Variants in CA3 observed in about 807,000 individuals in gnomAD.
The protein encoded by CA3 is carbonic anhydrase 3.
A neutral mutation model predicts 35.7 loss-of-function variants in CA3; 30 were observed. The observed-to-expected ratio is 0.84, with a 90% CI of 0.63 to 1.14. The LOEUF (loss-of-function observed/expected upper bound fraction) is 1.14, where lower values mean the gene tolerates loss of function less well. Among genes scored for constraint, CA3 ranks in the 50% most tolerant of loss-of-function variants. The pLI, the probability that CA3 is intolerant of heterozygous loss-of-function variation, is 0.00. For synonymous variants in CA3, 131 were observed against 130.8 expected (o/e 1.00, Z -0.01); for missense variants, 295 against 328.5 (o/e 0.90, Z 0.79).
At chr8:85,442,774 C>T (rs1447853957) in intron 3 of CA3, among the ~76,000 whole-genome samples, 1 of 152,124 alleles carries the variant, frequency 6.6e-6, no homozygotes, top group Non-Finnish European at 1.5e-5. Context: ...AGCCCAGGGT[C>T]CTCAATGGAA....
chr8:85,440,356 G>C (rs1323226642), intron 2 of CA3, among the ~76,000 whole-genome samples: 2 of 152,150 alleles, frequency 1.3e-5, no homozygotes, highest in Non-Finnish European at 2.9e-5. Context: ...TCTTCCCTTG[G>C]TGCCTGGGAG....
intron 6 of CA3, 43 bp downstream of exon 6, chr8:85,446,340 C>T (rs752647712): frequency 1.4e-5 from 23 of 1,588,584 alleles, no homozygotes; most frequent in Non-Finnish European, 2.0e-5. Context: ...TGCTGTCTGC[C>T]TATGTAAGAT....
intron 1 of CA3, 54 bp downstream of exon 1, chr8:85,438,997 C>A (rs1811169260): frequency 6.5e-7 from 1 of 1,536,336 alleles, no homozygotes; most frequent in Admixed American, 2.0e-5. Flanking sequence ...CCAGGAGAGC[C>A]CTGCCATTGC....
chr8:85,446,059 T>TA, intron 5 of CA3, 83 bp from the exon 6 acceptor site: 1 of 1,226,662 alleles, frequency 8.2e-7, no homozygotes, highest in Non-Finnish European at 1.1e-6. Flanking sequence ...AATTCATTCT[T>TA]ACAAATAAAG....
At chr8:85,446,857 G>C (rs541470688) in intron 6 of CA3, among the ~76,000 whole-genome samples, 1 of 152,270 alleles carries the variant, frequency 6.6e-6, no homozygotes, top group East Asian at 1.9e-4. Flanking sequence ...CTTACTGTTT[G>C]ATCTAAAGAG....
At chr8:85,440,478 T>C (rs1414998733) in intron 2 of CA3, among the ~76,000 whole-genome samples, 1 of 152,224 alleles carries the variant, frequency 6.6e-6, no homozygotes. Context: ...TTTTGAAATA[T>C]CTGACAATTT....
At chr8:85,444,370 T>C (rs550768069) in intron 4 of CA3, among the ~76,000 whole-genome samples, 1 of 151,136 alleles carries the variant, frequency 6.6e-6, no homozygotes, top group South Asian at 2.1e-4. Flanking sequence ...ATGTGGGAGG[T>C]GTGTGTGTGT....
At position 85,442,193 on chromosome 8, in the gene CA3, T is replaced by C. The variant is rs767162312; in HGVS notation, c.351+2T>C. ...GATGGAGTCAAGTATGCAGCGGAGG[T>C]AAGAGGAACTGCCATAATCCATTCT... On this transcript the variant is annotated splice_donor_variant, in intron 3 of 6. Coordinates refer to ENST00000285381, the MANE Select transcript of CA3 (RefSeq NM_005181.4). LOFTEE classifies it high-confidence loss of function. 7.0e-7 allele frequency: 1 copy of C among 1,433,474 alleles called. No homozygotes were observed. Among genetic ancestry groups the C allele is most frequent in the South Asian group, 1.1e-5 (1 of 87,428 alleles). The allele number at this position is 1,433,474 out of a possible 1,614,324, so 88.8% of individuals were successfully genotyped here.
chr8:85,443,945 T>G, intron 3 of CA3, 89 bp from the exon 4 acceptor site: 1 of 922,524 alleles, frequency 1.1e-6, no homozygotes, highest in South Asian at 1.3e-5. Flanking sequence ...AACCTTAGCC[T>G]GTACAATGAT....
Position 85,448,270 on chromosome 8 carries a change from G to A in CA3, c.*117G>A. The A allele has an allele frequency of 1.9e-6, 2 of 1,029,720 alleles. No individual in the cohort carries two copies. The highest frequency in any genetic ancestry group is 2.7e-6 in the Non-Finnish European group (2 of 739,302). 63.8% of individuals were successfully genotyped at this position (1,029,720 alleles called of 1,614,324 possible). A position where few individuals can be genotyped will look rare whatever the true frequency, so the allele number is the denominator to read the frequency against. On this transcript the variant is annotated 3_prime_UTR_variant, in exon 7 of 7. Coordinates refer to ENST00000285381, the MANE Select transcript of CA3 (RefSeq NM_005181.4). ...ATTTCATTTTTCCACACTGAGCAAT[G>A]AATGTGAGAGATGTGGTCACCAAGA...
intron 6 of CA3, among the ~76,000 whole-genome samples, chr8:85,447,128 G>A (rs987673344): frequency 6.8e-6 from 1 of 147,742 alleles, no homozygotes; most frequent in Non-Finnish European, 1.5e-5. Flanking sequence ...TAACAACCTT[G>A]TTCAGTGATA....
chr8:85,441,770 G>GGTGT, intron 2 of CA3: 1 of 330,608 alleles, frequency 3.0e-6, no homozygotes, highest in Non-Finnish European at 5.8e-6. Flanking sequence ...TTGTTCTTTG[G>GGTGT]GTGTATGCAT....
chr8:85,444,191 T>C (rs1811246719), intron 4 of CA3, 65 bp downstream of exon 4: 13 of 1,013,114 alleles, frequency 1.3e-5, no homozygotes, highest in Non-Finnish European at 1.8e-5. Context: ...GTTAGCATAG[T>C]TTGAGTTTCA....
At chr8:85,443,922 G>A (rs1245992235) in intron 3 of CA3, 112 bp from the exon 4 acceptor site, 7 of 750,022 alleles carry the variant, frequency 9.3e-6, no homozygotes, top group African/African-American at 8.8e-5. Flanking sequence ...CAGCTTTTAT[G>A]AGAGTGCTCA....
At chr8:85,447,671 G>A (rs899272127) in intron 6 of CA3, among the ~76,000 whole-genome samples, 4 of 152,350 alleles carry the variant, frequency 2.6e-5, no homozygotes, top group African/African-American at 9.6e-5. Flanking sequence ...TCCAAGGCGG[G>A]TGGATGACCT....
chr8:85,446,257 GGCT>G lies in CA3; in HGVS notation c.631_633del (p.Leu211del), dbSNP rs1811289848. ...CCGCCCTGCGAGGAATGCATTGTGT[GGCT>G]GCTGCTGAAGGAGCCCATGACCGTG... On this transcript the variant is annotated inframe_deletion, in exon 6 of 7. Transcript: ENST00000285381. 1 of 1,614,078 alleles carries G rather than the reference GGCT, an allele frequency of 6.2e-7. No individual in the cohort carries two copies. The highest frequency in any genetic ancestry group is 8.5e-7 in the Non-Finnish European group (1 of 1,179,928).
intron 6 of CA3, among the ~76,000 whole-genome samples, chr8:85,447,760 A>G (rs567537882): frequency 6.6e-6 from 1 of 152,112 alleles, no homozygotes; most frequent in Non-Finnish European, 1.5e-5. Flanking sequence ...TTAGCCGGGC[A>G]AGGTGGTGAA....
chr8:85,439,099 G>A (rs1039464967), intron 1 of CA3, among the ~76,000 whole-genome samples, 156 bp downstream of exon 1: 1 of 152,232 alleles, frequency 6.6e-6, no homozygotes. Context: ...GCCAAATGCT[G>A]CTGCTTCTTT....
chr8:85,446,063 A>G, intron 5 of CA3, 79 bp from the exon 6 acceptor site: 4 of 1,255,178 alleles, frequency 3.2e-6, no homozygotes, highest in Non-Finnish European at 3.3e-6. Context: ...CATTCTTACA[A>G]ATAAAGTGGT....
Sources: gnomAD v4.1 joint callset for allele counts (sites outside exome capture counted in the v4.1 genomes callset) on GRCh38, gnomAD v4.1.1 for gene constraint, MANE v1.5 for transcripts, NCBI Gene and HGNC (gene_info 2026-07-23, HGNC 2026-07-21) for gene names.